The following DST variants were observed in gnomAD, a reference collection of about 807,000 sequenced individuals.
DST encodes the protein dystonin.
In DST, 253 loss-of-function variants were observed where a neutral mutation model predicts 875.2. The observed-to-expected ratio is 0.29, with a 90% CI of 0.26 to 0.32. The LOEUF is 0.32. Among genes scored for constraint, DST ranks in the 10% least tolerant of loss-of-function variants. DST has a pLI of 1.00. For missense variants in DST, 8,287 were observed against 9,111.6 expected, an observed-to-expected ratio of 0.91 and a Z score of 3.68; for synonymous variants, 3,124 against 3,197.1, an observed-to-expected ratio of 0.98 and a Z score of 0.77.
chr6:56,534,561 T>C (rs2096959250), intron 63 of DST, among the ~76,000 whole-genome samples: 2 of 152,190 alleles, frequency 1.3e-5, no homozygotes, highest in African/African-American at 2.4e-5. Flanking sequence ...TCTTTAGTAA[T>C]AGGTGGAACC....
At chr6:56,922,721 G>A (rs1002974155) in intron 2 of DST, among the ~76,000 whole-genome samples, 3 of 152,218 alleles carry the variant, frequency 2.0e-5, no homozygotes, top group African/African-American at 7.2e-5. Context: ...TGGAATTATG[G>A]TGCTAGATTA....
At chr6:56,824,270 C>A (rs1019910528) in intron 4 of DST, among the ~76,000 whole-genome samples, 1 of 152,228 alleles carries the variant, frequency 6.6e-6, no homozygotes, top group Non-Finnish European at 1.5e-5. Flanking sequence ...CTCGGCCTCT[C>A]GAGGTGCCGG....
At chr6:56,777,956 G>A (rs1255417675) in intron 4 of DST, among the ~76,000 whole-genome samples, 5 of 152,044 alleles carry the variant, frequency 3.3e-5, no homozygotes, top group African/African-American at 1.2e-4. Context: ...CCCCACCTCA[G>A]CCTCCCAAAG....
intron 9 of DST, among the ~76,000 whole-genome samples, chr6:56,672,201 G>A (rs974536922): frequency 6.6e-5 from 10 of 152,170 alleles, no homozygotes; most frequent in African/African-American, 2.4e-4. Flanking sequence ...GGAAGGCTGT[G>A]GCAGTGAAAG....
Position 56,670,710 on chromosome 6 carries a change from A to G in DST, c.1145T>C (p.Ile382Thr). The G allele has an allele frequency of 1.2e-6, 2 of 1,609,794 alleles. No individual in the cohort carries two copies. The highest frequency in any genetic ancestry group is 2.7e-5 in the African/African-American group (2 of 74,948). ...TQQATEGYAGIRCENFTTCWR... is the reference protein window; with the variant it reads ...TQQATEGYAGTRCENFTTCWR... ...GCAGGTAGTGAAATTTTCACACCGAATTCCAGCATAACCCTCTGTTGCCTG... is the reference window on the plus strand; with the variant it reads ...GCAGGTAGTGAAATTTTCACACCGAGTTCCAGCATAACCCTCTGTTGCCTG... Residue 382 changes from isoleucine (I) to threonine (T), a missense_variant, in exon 10 of 104, where the codon ATT becomes ACT. Ile to Thr is a moderately conservative substitution (Grantham distance 89, BLOSUM62 -1). Around this residue, in one of 10 missense-constraint regions of DST, gnomAD observed 1,160 missense variants for 1,424.3 expected, o/e 0.81. Coordinates refer to ENST00000680361, the MANE Select transcript of DST (RefSeq NM_001374736.1).
chr6:56,766,445 GA>G (rs1431803602), intron 4 of DST, among the ~76,000 whole-genome samples: 46 of 152,028 alleles, frequency 3.0e-4, no homozygotes, highest in Admixed American at 3.0e-3. Context: ...TGTTGTTTGG[GA>G]AGATAGCACT....
chr6:56,882,913 C>T (rs931307360), intron 3 of DST, among the ~76,000 whole-genome samples: 1 of 152,218 alleles, frequency 6.6e-6, no homozygotes, highest in African/African-American at 2.4e-5. Flanking sequence ...GTCACCCAGG[C>T]TGGAATGAGG....
chr6:56,511,528 C>T (rs376898837), intron 72 of DST, 128 bp from the exon 73 acceptor site: 2 of 699,166 alleles, frequency 2.9e-6, no homozygotes, highest in African/African-American at 3.6e-5. Flanking sequence ...AGGCATTTAA[C>T]ACATGATGGC....
rs2094788529 is a variant in DST at position 56,469,749 on chromosome 6, C to T, written c.22551+134G>A. 4.1e-6 allele frequency: 3 copies of T among 732,364 alleles called. No individual in the cohort carries two copies. In the Admixed American group the frequency reaches 7.5e-5, roughly 18 times the overall value. 45.4% of individuals were successfully genotyped at this position (732,364 alleles called of 1,614,324 possible). A position where few individuals can be genotyped will look rare whatever the true frequency, so the allele number is the denominator to read the frequency against. The stretch of plus-strand genomic sequence containing the variant: ...ATTAAAATGTTAAATGTAAGAGTTT[C>T]ATATACCATTAAATTTTGACATGAG... On this transcript the variant is annotated intron_variant, in intron 97 of 103. Coordinates refer to ENST00000680361, the MANE Select transcript of DST (RefSeq NM_001374736.1).
intron 60 of DST, among the ~76,000 whole-genome samples, chr6:56,554,817 T>C (rs1262847113): frequency 6.6e-6 from 1 of 152,216 alleles, no homozygotes; most frequent in Non-Finnish European, 1.5e-5. Context: ...TCATCAGGGC[T>C]TTCTGATGAA....
At chr6:56,682,260 TC>T (rs1563653034) in intron 9 of DST, among the ~76,000 whole-genome samples, 1 of 151,984 alleles carries the variant, frequency 6.6e-6, no homozygotes, top group Non-Finnish European at 1.5e-5. Flanking sequence ...GCAGTGTTGA[TC>T]CCCCAGGCTC....
chr6:56,524,147 C>A (rs2096754435), intron 69 of DST, among the ~76,000 whole-genome samples: 1 of 151,982 alleles, frequency 6.6e-6, no homozygotes, highest in South Asian at 2.1e-4. Flanking sequence ...AAGTAGGCAA[C>A]CTTATAAAAT....
rs1393476308 is a variant in DST, at chr6:56,482,079, C to T, written c.21502G>A (p.Ala7168Thr). 1 of 1,613,546 alleles carries T rather than the reference C, an allele frequency of 6.2e-7. No homozygotes were observed. The highest frequency in any genetic ancestry group is 8.5e-7 in the Non-Finnish European group (1 of 1,179,794). Residue 7168 changes from alanine to threonine, a missense_variant, in exon 90 of 104, where the codon GCT (alanine) becomes ACT (threonine). By Grantham distance (58) the Ala-to-Thr change is moderately conservative (BLOSUM62 0). This residue lies in a region of DST where 1,292 missense variants were observed against 1,552.7 expected (regional missense o/e 0.83). Transcript: ENST00000680361. ...FHGVLPDDED[A>T]LRTLIDQHKE... ...TGCTGATCAATGAGAGTCCGGAGAG[C>T]ATCCTCATCATCTGGGAGGACACCA...
chr6:56,938,144 A>T (rs115338896), intron 2 of DST, among the ~76,000 whole-genome samples: 15,594 of 139,992 alleles, frequency 0.11, 1,009 homozygotes, highest in South Asian at 0.18. Context: ...TTAAAAAAAA[A>T]TTTTTTTGAG....
Position 56,832,531 on chromosome 6 carries a change from T to C in DST, c.625+18866A>G, listed in dbSNP as rs151152260. 9.1e-3 allele frequency among the ~76,000 whole-genome samples: 1,379 copies of C among 152,144 alleles called. 18 individuals carry two copies. The highest frequency in any genetic ancestry group is 0.031 in the African/African-American group (1,267 of 41,486). On this transcript the variant is annotated intron_variant, in intron 4 of 103. Transcript: ENST00000680361. ...CTGTAGGAACTGTAAGTCCAACCTCTTTATTTTGTAAATTGCCCAGTCTCT... is the reference window on the plus strand; with the variant it reads ...CTGTAGGAACTGTAAGTCCAACCTCCTTATTTTGTAAATTGCCCAGTCTCT...
At chr6:56,822,483 G>T (rs2099774162) in intron 4 of DST, among the ~76,000 whole-genome samples, 1 of 152,196 alleles carries the variant, frequency 6.6e-6, no homozygotes, top group Non-Finnish European at 1.5e-5. Context: ...AAATCCCAGA[G>T]ATCTGCAAGG....
intron 27 of DST, 45 bp from the exon 28 acceptor site, chr6:56,633,082 G>T (rs1014473327): frequency 1.6e-5 from 25 of 1,530,340 alleles, no homozygotes; most frequent in Non-Finnish European, 2.2e-5. Context: ...ATTACTCATA[G>T]ATTTGAATGG....
chr6:56,879,433 T>C (rs1434859709), intron 3 of DST, among the ~76,000 whole-genome samples: 2 of 150,790 alleles, frequency 1.3e-5, no homozygotes, highest in Non-Finnish European at 2.9e-5. Context: ...ATCACGCCAC[T>C]GCACTCCACC....
At position 56,611,557 on chromosome 6, in the gene DST, A is replaced by C; in HGVS notation, c.5098T>G (p.Ser1700Ala). 6.2e-7 allele frequency: 1 copy of C among 1,613,182 alleles called. No homozygotes were observed. Among genetic ancestry groups the C allele is most frequent in the Non-Finnish European group, 8.5e-7 (1 of 1,179,496 alleles). The change falls in exon 38 of 104, where the codon TCG becomes GCG. Residue 1700 changes from serine to alanine, a missense_variant. By Grantham distance (99) the Ser-to-Ala change is moderately conservative. Coordinates refer to ENST00000680361, the MANE Select transcript of DST (RefSeq NM_001374736.1). The stretch of plus-strand genomic sequence containing the variant: ...AGCTGTATAGTTTGAAGTGCTTCCG[A>C]TAATTGTTCCTTCTTGGTTGATATT... Reference protein sequence around the residue: ...EEISTKKEQLSEALQTIQLFL... With the variant: ...EEISTKKEQLAEALQTIQLFL...
Sources: gnomAD v4.1 joint callset for allele counts (sites outside exome capture counted in the v4.1 genomes callset) on GRCh38, gnomAD v4.1.1 for gene constraint, gnomAD v4.1.1 regional missense constraint, MANE v1.5 for transcripts, NCBI Gene and HGNC (gene_info 2026-07-23, HGNC 2026-07-21) for gene names.